VPS39: variants seen among roughly 807,000 people sequenced by gnomAD.
VPS39 encodes VPS39 subunit of HOPS complex.
Under a neutral mutation model 121.0 loss-of-function variants are expected in VPS39, and 70 were observed. The observed-to-expected ratio is 0.58, with a 90% CI of 0.48 to 0.71. The LOEUF is 0.71. Among genes scored for constraint, VPS39 ranks in the 30% least tolerant of loss-of-function variants. The pLI is 0.00. For synonymous variants in VPS39, 378 were observed against 398.1 expected (o/e 0.95, Z 0.60); for missense variants, 818 against 1,051.5 (o/e 0.78, Z 3.07).
intron 2 of VPS39, among the ~76,000 whole-genome samples, chr15:42,196,610 A>C (rs1301420111): frequency 1.1e-4 from 16 of 152,380 alleles, no homozygotes; most frequent in African/African-American, 3.8e-4. Flanking sequence ...AATGCAAATC[A>C]AAACCACAAT....
At chr15:42,163,207 G>T in intron 21 of VPS39, 143 bp downstream of exon 21, 2 of 974,466 alleles carry the variant, frequency 2.1e-6, no homozygotes, top group Non-Finnish European at 1.6e-6. Context: ...GTCCCCTGCT[G>T]TCCCTCAATA....
At chr15:42,174,260 A>C (rs1330673630) in intron 10 of VPS39, among the ~76,000 whole-genome samples, 1 of 152,100 alleles carries the variant, frequency 6.6e-6, no homozygotes, top group Admixed American at 6.5e-5. Flanking sequence ...AAAAAAATAA[A>C]AAATAAAACA....
Position 42,178,202 on chromosome 15 carries a change from C to G in VPS39, c.960+16G>C. 6.2e-7 allele frequency: 1 copy of G among 1,613,898 alleles called. No individual in the cohort carries two copies. Among genetic ancestry groups the G allele is most frequent in the Non-Finnish European group, 8.5e-7 (1 of 1,179,936 alleles). The stretch of plus-strand genomic sequence containing the variant: ...AGAACAATAAGGAAGGAAGACTAGT[C>G]AGGAACAAGACTTACTGCGAGCTGC... On this transcript the variant is annotated intron_variant, in intron 10 of 24. Transcript: ENST00000318006.
intron 2 of VPS39, among the ~76,000 whole-genome samples, chr15:42,198,768 A>G (rs2050000349): frequency 6.6e-6 from 1 of 152,236 alleles, no homozygotes; most frequent in Admixed American, 6.5e-5. Context: ...TTCATTACAT[A>G]TTGCCTACAG....
At chr15:42,184,796 A>T in intron 7 of VPS39, 96 bp from the exon 8 acceptor site, 1 of 1,157,788 alleles carries the variant, frequency 8.6e-7, no homozygotes, top group Non-Finnish European at 1.2e-6. Flanking sequence ...AGAGAAGCCA[A>T]TAATATTCCT....
At chr15:42,202,412 A>C (rs2050086284) in intron 1 of VPS39, among the ~76,000 whole-genome samples, 1 of 152,216 alleles carries the variant, frequency 6.6e-6, no homozygotes, top group South Asian at 2.1e-4. Flanking sequence ...AAAATAAAAG[A>C]ATTCATTTTG....
chr15:42,182,962 A>AT (rs992298304), intron 8 of VPS39, among the ~76,000 whole-genome samples: 4 of 152,230 alleles, frequency 2.6e-5, no homozygotes, highest in African/African-American at 9.6e-5. Flanking sequence ...AAAGCCTCTC[A>AT]TAAAGCTCCA....
At chr15:42,191,103 C>A (rs1243771207) in intron 4 of VPS39, 22 bp downstream of exon 4, 2 of 1,613,088 alleles carry the variant, frequency 1.2e-6, no homozygotes, top group East Asian at 4.5e-5. Flanking sequence ...ACACAGGATA[C>A]AAATGCAACT....
chr15:42,168,834 C>T (rs1439273481), intron 12 of VPS39, among the ~76,000 whole-genome samples: 1 of 152,204 alleles, frequency 6.6e-6, no homozygotes, highest in African/African-American at 2.4e-5. Context: ...TGACCCACCA[C>T]ACCCGGCCAA....
chr15:42,161,533 C>G (rs1484965635), intron 24 of VPS39, 149 bp downstream of exon 24: 7 of 822,740 alleles, frequency 8.5e-6, no homozygotes, highest in Admixed American at 6.8e-5. Context: ...ACAGGCTGCT[C>G]TCTGAAGGCT....
intron 13 of VPS39, 99 bp downstream of exon 13, chr15:42,167,295 T>C: frequency 6.9e-7 from 1 of 1,452,712 alleles, no homozygotes; most frequent in Non-Finnish European, 9.3e-7. Context: ...ACTTCACTCT[T>C]ACTAATGGCA....
Position 42,166,546 on chromosome 15 carries a change from T to G in VPS39, c.1606+17A>C. ...GAACAGGAGCGCTTTCCCACCCCTT[T>G]CAAAAGGCGGACTTACCCAGATGCT... On this transcript the variant is annotated intron_variant, in intron 15 of 24. Coordinates refer to ENST00000318006, the MANE Select transcript of VPS39 (RefSeq NM_015289.5). 1 of 1,614,014 alleles carries G rather than the reference T, an allele frequency of 6.2e-7. No homozygotes were observed. Among genetic ancestry groups the G allele is most frequent in the South Asian group, 1.1e-5 (1 of 91,066 alleles).
At chr15:42,194,247 G>A (rs574936267) in intron 2 of VPS39, among the ~76,000 whole-genome samples, 2 of 152,088 alleles carry the variant, frequency 1.3e-5, no homozygotes, top group East Asian at 3.9e-4. Context: ...CCTCCCAGGT[G>A]TAGATCACCT....
Position 42,165,724 on chromosome 15 carries a change from A to G in VPS39, c.1773T>C (p.Pro591=), listed in dbSNP as rs1488755116. The change falls in exon 17 of 25, where the codon CCT becomes CCC. Residue 591 remains proline (P), a synonymous_variant. Transcript: ENST00000318006. ...LIENFKGLAI[P]YLEHIIHVWE... ...AGACCAAAAAATACCTTACCAGATA[A>G]GGAATAGCCAGACCCTTAAAATTCT... 6.2e-7 allele frequency: 1 copy of G among 1,613,964 alleles called. No homozygotes were observed. The highest frequency in any genetic ancestry group is 1.7e-5 in the Admixed American group (1 of 60,002).
Position 42,189,215 on chromosome 15 carries a change from G to C in VPS39, c.248-7C>G. On this transcript the variant is annotated splice_region_variant and splice_polypyrimidine_tract_variant and intron_variant, in intron 4 of 24. Transcript: ENST00000318006. ...TGGACATAAATGTTATTTTCTGTTT[G>C]GGAGGAGGTATAACATCAGGATCAA... 2.5e-6 allele frequency: 4 copies of C among 1,604,296 alleles called. No individual in the cohort carries two copies. Among genetic ancestry groups the C allele is most frequent in the Non-Finnish European group, 3.4e-6 (4 of 1,171,388 alleles).
chr15:42,196,633 C>T (rs2049944703), intron 2 of VPS39, among the ~76,000 whole-genome samples: 1 of 152,206 alleles, frequency 6.6e-6, no homozygotes. Flanking sequence ...GATACCATCT[C>T]ACACCAGTTA....
In VPS39 at chr15:42,169,775, G is replaced by A. The variant is rs745705269; in HGVS notation, c.1182C>T (p.Ser394=). The change falls in exon 12 of 25, where the codon TCC becomes TCT. Residue 394 remains serine, a synonymous_variant. Transcript: ENST00000318006. The stretch of plus-strand genomic sequence containing the variant: ...AGTGAGCCTTCTCCAATTCAGCCCC[G>A]GAGAGCACAGGCAATGGGTTGGGAT... ...LQYPNPLPVL[S]GAELEKAHLA... 1.5e-5 allele frequency: 24 copies of A among 1,613,964 alleles called. No individual in the cohort carries two copies. The highest frequency in any genetic ancestry group is 4.0e-5 in the African/African-American group (3 of 74,900).
chr15:42,184,409 T>A, intron 8 of VPS39, 108 bp downstream of exon 8: 1 of 1,166,358 alleles, frequency 8.6e-7, no homozygotes, highest in Non-Finnish European at 1.2e-6. Context: ...TGAAAGTGAA[T>A]GACACAACGT....
intron 2 of VPS39, 104 bp from the exon 3 acceptor site, chr15:42,191,664 G>A (rs2140878402): frequency 1.0e-6 from 1 of 988,614 alleles, no homozygotes; most frequent in East Asian, 2.5e-5. Flanking sequence ...ATAAATCTTT[G>A]GAAGTTCCTG....
Sources: allele counts gnomAD v4.1 joint callset (sites outside exome capture counted in the v4.1 genomes callset), GRCh38; gene constraint gnomAD v4.1.1; transcripts MANE v1.5; gene names NCBI Gene and HGNC (gene_info 2026-07-23, HGNC 2026-07-21).